The following CARS2 variants were observed in gnomAD, a reference collection of about 807,000 sequenced individuals.
The protein encoded by CARS2 is cysteinyl-tRNA synthetase 2, mitochondrial, also known as probable cysteine--tRNA ligase, mitochondrial.
Under a neutral mutation model 68.8 loss-of-function variants are expected in CARS2, and 52 were observed. That is an observed-to-expected ratio of 0.76 (90% CI 0.61 to 0.95). CARS2 has a LOEUF of 0.95. CARS2 is among the 40% of genes least tolerant of loss of function. The pLI, the probability that CARS2 is intolerant of heterozygous loss-of-function variation, is 0.00. For missense variants in CARS2, 780 were observed against 754.2 expected (o/e 1.03, Z -0.40); for synonymous variants, 314 against 303.6 (o/e 1.03, Z -0.36).
intron 9 of CARS2, among the ~76,000 whole-genome samples, chr13:110,652,220 G>C (rs761738787): frequency 6.6e-6 from 1 of 152,268 alleles, no homozygotes; most frequent in Non-Finnish European, 1.5e-5. Context: ...CCAGAGCACA[G>C]GGGCTGACAC....
intron 3 of CARS2, among the ~76,000 whole-genome samples, chr13:110,689,325 G>T (rs2063391379): frequency 6.6e-6 from 1 of 152,208 alleles, no homozygotes; most frequent in African/African-American, 2.4e-5. Context: ...GCAGCCTCGG[G>T]AACCAAGTCT....
chr13:110,687,162 A>T (rs376627405), intron 5 of CARS2, among the ~76,000 whole-genome samples: 1 of 152,148 alleles, frequency 6.6e-6, no homozygotes, highest in African/African-American at 2.4e-5. Flanking sequence ...AGATTCCACG[A>T]CTGTTACCAA....
chr13:110,682,858 T>C (rs760354577), intron 6 of CARS2, among the ~76,000 whole-genome samples, 193 bp downstream of exon 6: 25 of 152,154 alleles, frequency 1.6e-4, no homozygotes, highest in Admixed American at 1.3e-4. Context: ...GATGCCCCAC[T>C]TGCCGTTTGA....
upstream of CARS2, among the ~76,000 whole-genome samples, chr13:110,708,754 TTTTATGTA>T (rs1478885628): frequency 2.0e-5 from 3 of 151,082 alleles, no homozygotes; most frequent in Non-Finnish European, 2.9e-5. Flanking sequence ...TTATTTTTAT[TTTTATGTA>T]TTTATTTTTG....
intron 3 of CARS2, among the ~76,000 whole-genome samples, chr13:110,694,108 A>T (rs182279636): frequency 6.6e-6 from 1 of 151,650 alleles, no homozygotes; most frequent in East Asian, 2.0e-4. Flanking sequence ...GCTCACCGCA[A>T]CCTCTGCCTC....
rs112167803 is a variant in CARS2 at position 110,698,212 on chromosome 13, A to AT, written c.393+3225dup. 4.0e-4 allele frequency among the ~76,000 whole-genome samples: 60 copies of AT among 151,484 alleles called. 1 individual carries two copies. Among genetic ancestry groups the AT allele is most frequent in the African/African-American group, 4.6e-4 (19 of 41,284 alleles). On this transcript the variant is annotated intron_variant, in intron 3 of 14. Transcript: ENST00000257347. ...TGACTTAAAAAGTATGTATATGTAT[A>AT]TTTTTTTTTCAAAAAAAGAAATCCA...
chr13:110,712,970 C>A, intron 1 of CARS2: 1 of 1,560,114 alleles, frequency 6.4e-7, no homozygotes, highest in East Asian at 2.4e-5. Context: ...GGTCCGGCCG[C>A]GGAATGGGTA....
intron 9 of CARS2, among the ~76,000 whole-genome samples, chr13:110,651,764 A>G (rs2062221141): frequency 6.6e-6 from 1 of 152,242 alleles, no homozygotes; most frequent in African/African-American, 2.4e-5. Context: ...AGCTTTCTAC[A>G]TGAGGAAGCT....
At chr13:110,646,984 A>G in intron 11 of CARS2, 117 bp downstream of exon 11, 1 of 1,278,506 alleles carries the variant, frequency 7.8e-7, no homozygotes, top group Non-Finnish European at 1.0e-6. Flanking sequence ...CCTGACCCCA[A>G]ACCTCCTGTC....
intron 6 of CARS2, 59 bp from the exon 7 acceptor site, chr13:110,677,162 TCAGA>T (rs1409494999): frequency 4.0e-6 from 6 of 1,511,276 alleles, no homozygotes; most frequent in Non-Finnish European, 3.6e-6. Context: ...CCACGGATGC[TCAGA>T]CATTCACCCC....
intron 12 of CARS2, 194 bp from the exon 13 acceptor site, chr13:110,644,677 A>G: frequency 1.1e-6 from 1 of 929,776 alleles, no homozygotes. Flanking sequence ...GTGCATGAGG[A>G]ATCTCTTGTG....
chr13:110,674,894 C>T (rs959362991), intron 7 of CARS2, among the ~76,000 whole-genome samples: 28 of 152,074 alleles, frequency 1.8e-4, no homozygotes, highest in Non-Finnish European at 1.8e-4. Flanking sequence ...AAAAAGTGGG[C>T]GAAGGATATG....
chr13:110,679,215 C>T (rs1034029135), intron 6 of CARS2, among the ~76,000 whole-genome samples: 1 of 152,116 alleles, frequency 6.6e-6, no homozygotes, highest in Non-Finnish European at 1.5e-5. Flanking sequence ...GCTGTGTTCT[C>T]AAAACACCAT....
chr13:110,697,710 G>C (rs1013789273), intron 3 of CARS2, among the ~76,000 whole-genome samples: 1 of 152,262 alleles, frequency 6.6e-6, no homozygotes, highest in Non-Finnish European at 1.5e-5. Flanking sequence ...TAGGATTACA[G>C]GCGTGAGCCA....
intron 5 of CARS2, among the ~76,000 whole-genome samples, chr13:110,685,352 C>T (rs1202103333): frequency 6.6e-6 from 1 of 151,874 alleles, no homozygotes; most frequent in Non-Finnish European, 1.5e-5. Flanking sequence ...TCTAAATATA[C>T]CACATTAGAA....
chr13:110,655,234 CACAA>C (rs75904849), intron 9 of CARS2, among the ~76,000 whole-genome samples: 12,475 of 152,208 alleles, frequency 0.082, 652 homozygotes, highest in Middle Eastern at 0.14. Context: ...GTACAGGTCT[CACAA>C]ACAAGCCCAA....
rs368230359 is a variant in CARS2 at position 110,646,123 on chromosome 13, G to A, written c.1194-33C>T. ...AAGAGGAGAGAACAGTCACAGCAGAGGGAGCTCCACTCTCCCCAGGCGGCC... is the reference window on the plus strand; with the variant it reads ...AAGAGGAGAGAACAGTCACAGCAGAAGGAGCTCCACTCTCCCCAGGCGGCC... On this transcript the variant is annotated intron_variant, in intron 11 of 14. Coordinates refer to ENST00000257347, the MANE Select transcript of CARS2 (RefSeq NM_024537.4). 341 of 1,603,060 alleles carry A rather than the reference G, an allele frequency of 2.1e-4. 3 individuals carry two copies. The African/African-American group carries it at 2.7e-3, about 13-fold the overall frequency.
rs753952896 is a variant in CARS2 at position 110,647,176 on chromosome 13, A to G, written c.1118T>C (p.Phe373Ser). Reference protein sequence around the residue: ...AQQLLLGLGSFLEDARAYMKG... With the variant: ...AQQLLLGLGSSLEDARAYMKG... ...CATGTAGGCACGTGCGTCCTCCAGG[A>G]AAGAGCCCAGCCCCAGGAGCAGCTG... is the stretch of plus-strand genomic sequence containing the variant. Residue 373 changes from phenylalanine to serine, a missense_variant, in exon 11 of 15, where the codon TTC (phenylalanine) becomes TCC (serine). Phe to Ser is a radical substitution (Grantham distance 155, BLOSUM62 -2). Transcript: ENST00000257347. 16 of 1,613,032 alleles carry G rather than the reference A, an allele frequency of 9.9e-6. No homozygotes were observed. The highest frequency in any genetic ancestry group is 6.7e-5 in the Admixed American group (4 of 60,000).
At chr13:110,699,685 G>A (rs186687237) in intron 3 of CARS2, among the ~76,000 whole-genome samples, 25 of 152,390 alleles carry the variant, frequency 1.6e-4, no homozygotes, top group Non-Finnish European at 3.5e-4. Flanking sequence ...CCGCAATGGA[G>A]AAAGCCGACA....
Sources: gnomAD v4.1 joint callset for allele counts (sites outside exome capture counted in the v4.1 genomes callset) on GRCh38, gnomAD v4.1.1 for gene constraint, MANE v1.5 for transcripts, NCBI Gene and HGNC (gene_info 2026-07-23, HGNC 2026-07-21) for gene names.